The following RPS6KA5 variants were observed in gnomAD, a reference collection of about 807,000 sequenced individuals.
RPS6KA5 encodes the protein ribosomal protein S6 kinase A5.
In RPS6KA5, 27 loss-of-function variants were observed where a neutral mutation model predicts 85.5. The ratio of observed to expected loss-of-function variants is 0.32; its 90% confidence interval spans 0.23 to 0.44. RPS6KA5 has a LOEUF of 0.44. Ranked by LOEUF, RPS6KA5 falls within the 20% of genes least tolerant of loss-of-function variation. The pLI, the probability that RPS6KA5 is intolerant of heterozygous loss-of-function variation, is 1.00. For missense variants in RPS6KA5, 811 were observed against 980.9 expected, an observed-to-expected ratio of 0.83 and a Z score of 2.31; for synonymous variants, 334 against 348.2, an observed-to-expected ratio of 0.96 and a Z score of 0.46.
chr14:91,012,044 T>A (rs1375781549), intron 1 of RPS6KA5, among the ~76,000 whole-genome samples: 1 of 152,224 alleles, frequency 6.6e-6, no homozygotes, highest in Non-Finnish European at 1.5e-5. Flanking sequence ...TTTCTAAAAC[T>A]TAAATTTTGT....
rs1223252057 is a variant in RPS6KA5, at chr14:90,857,655, AG to A, written c.*14418del. 6.6e-6 allele frequency: 1 copy of A among 152,176 alleles called. No individual in the cohort carries two copies. Among genetic ancestry groups the A allele is most frequent in the Admixed American group, 6.5e-5 (1 of 15,276 alleles). 9.4% of individuals were successfully genotyped at this position (152,176 alleles called of 1,614,324 possible). ...CTGTGAACTGCATTAAGCTCTACAG[AG>A]TTTTTTCAAAAGGCTAAAAATATTT... On this transcript the variant is annotated 3_prime_UTR_variant, in exon 17 of 17. Transcript: ENST00000614987.
intron 5 of RPS6KA5, among the ~76,000 whole-genome samples, chr14:90,936,931 A>C (rs74086809): frequency 0.076 from 11,615 of 152,160 alleles, 1,217 homozygotes; most frequent in African/African-American, 0.23. Flanking sequence ...GGAGCCTGTG[A>C]AAGTGTCAAG....
chr14:90,981,507 T>C (rs1250636387), intron 2 of RPS6KA5, among the ~76,000 whole-genome samples: 1 of 152,170 alleles, frequency 6.6e-6, no homozygotes, highest in Admixed American at 6.5e-5. Flanking sequence ...ATATATATGA[T>C]CAAATAATAT....
chr14:91,016,492 C>G (rs554603328), intron 1 of RPS6KA5, among the ~76,000 whole-genome samples: 2 of 152,170 alleles, frequency 1.3e-5, no homozygotes, highest in South Asian at 4.1e-4. Context: ...ATTTTTCTAT[C>G]TTATTAATAC....
intron 2 of RPS6KA5, among the ~76,000 whole-genome samples, chr14:90,982,584 C>T (rs191666473): frequency 1.6e-4 from 24 of 152,382 alleles, no homozygotes; most frequent in Admixed American, 7.2e-4. Context: ...GCAATGGCAT[C>T]AAATGCTCAA....
At chr14:91,039,892 CTAAA>C (rs1195055780) in intron 1 of RPS6KA5, among the ~76,000 whole-genome samples, 1 of 152,134 alleles carries the variant, frequency 6.6e-6, no homozygotes, top group Admixed American at 6.6e-5. Context: ...ACACATAAAG[CTAAA>C]TAAATGATAG....
At chr14:91,024,027 T>C (rs1027109361) in intron 1 of RPS6KA5, among the ~76,000 whole-genome samples, 4 of 152,236 alleles carry the variant, frequency 2.6e-5, no homozygotes, top group Non-Finnish European at 5.9e-5. Context: ...GTTCTACATG[T>C]TACATTTTCT....
intron 1 of RPS6KA5, among the ~76,000 whole-genome samples, chr14:91,010,035 G>A (rs1408727531): frequency 2.0e-5 from 3 of 148,798 alleles, no homozygotes; most frequent in African/African-American, 7.5e-5. Context: ...GGTCAACAGC[G>A]ATTTTTTTTT....
intron 1 of RPS6KA5, among the ~76,000 whole-genome samples, chr14:91,050,413 C>G (rs1360995930): frequency 6.6e-6 from 1 of 151,314 alleles, no homozygotes; most frequent in African/African-American, 2.5e-5. Context: ...AACAAAGCAT[C>G]TTATTGGCTT....
At chr14:90,968,076 G>A (rs911619903) in intron 3 of RPS6KA5, among the ~76,000 whole-genome samples, 1 of 152,108 alleles carries the variant, frequency 6.6e-6, no homozygotes, top group Non-Finnish European at 1.5e-5. Context: ...GGACATCACT[G>A]GACTAAAATC....
chr14:91,052,407 A>C (rs1388677724), intron 1 of RPS6KA5: 1 of 368,082 alleles, frequency 2.7e-6, no homozygotes, highest in South Asian at 1.9e-5. Context: ...GGCGGAGGTT[A>C]TAGTGAGCCG....
chr14:90,899,915 T>C (rs1296635110), intron 11 of RPS6KA5, among the ~76,000 whole-genome samples, 193 bp downstream of exon 11: 2 of 152,220 alleles, frequency 1.3e-5, no homozygotes, highest in Admixed American at 1.3e-4. Flanking sequence ...GATTTATGTC[T>C]AAAATGGATT....
At chr14:90,966,361 A>G (rs762967676) in intron 3 of RPS6KA5, among the ~76,000 whole-genome samples, 3 of 152,230 alleles carry the variant, frequency 2.0e-5, no homozygotes, top group Non-Finnish European at 2.9e-5. Flanking sequence ...ACTTTAGAGG[A>G]AAGGATAAAT....
intron 3 of RPS6KA5, among the ~76,000 whole-genome samples, chr14:90,962,604 T>G (rs551743998): frequency 1.4e-4 from 21 of 151,784 alleles, no homozygotes; most frequent in Admixed American, 1.2e-3. Context: ...TTTTTTTTTT[T>G]GAGATAGGGT....
At chr14:90,974,806 AACT>A (rs1194106089) in intron 3 of RPS6KA5, among the ~76,000 whole-genome samples, 1 of 152,228 alleles carries the variant, frequency 6.6e-6, no homozygotes, top group Non-Finnish European at 1.5e-5. Flanking sequence ...ACCATTAGAG[AACT>A]GCTCAGCCAA....
chr14:91,033,027 T>C (rs1045695893), intron 1 of RPS6KA5, among the ~76,000 whole-genome samples: 14 of 151,304 alleles, frequency 9.3e-5, no homozygotes, highest in African/African-American at 3.4e-4. Flanking sequence ...CTACTAAAAA[T>C]ACAAAAACAA....
In RPS6KA5 at chr14:90,860,658, A is replaced by AT. The variant is rs1217290855; in HGVS notation, c.*11415dup. 6.6e-6 allele frequency: 1 copy of AT among 152,222 alleles called. No homozygotes were observed. Among genetic ancestry groups the AT allele is most frequent in the Non-Finnish European group, 1.5e-5 (1 of 68,044 alleles). The allele number at this position is 152,222 out of a possible 1,614,324, so 9.4% of individuals were successfully genotyped here. ...ATTAGATGGGTATATTACATGATAC[A>AT]TGAATTTTATCTTAAAAAAATAAAA... On this transcript the variant is annotated 3_prime_UTR_variant, in exon 17 of 17. Transcript: ENST00000614987.
At chr14:91,044,361 A>T (rs1426170127) in intron 1 of RPS6KA5, among the ~76,000 whole-genome samples, 2 of 19,222 alleles carry the variant, frequency 1.0e-4, no homozygotes, top group Non-Finnish European at 1.6e-4. Flanking sequence ...GAAAGAAAGA[A>T]AGAGAAAGAA....
intron 1 of RPS6KA5, among the ~76,000 whole-genome samples, chr14:91,007,709 G>GTTT (rs58235790): frequency 6.8e-6 from 1 of 147,436 alleles, no homozygotes; most frequent in African/African-American, 2.5e-5. Flanking sequence ...TTACTATTTT[G>GTTT]TTTTTTTTTT....
Sources: allele counts gnomAD v4.1 joint callset (sites outside exome capture counted in the v4.1 genomes callset), GRCh38; gene constraint gnomAD v4.1.1; transcripts MANE v1.5; gene names NCBI Gene and HGNC (gene_info 2026-07-23, HGNC 2026-07-21).